The following DPF3 variants were observed in gnomAD, a reference collection of about 807,000 sequenced individuals.
The protein encoded by DPF3 is zinc finger protein DPF3.
DPF3 carries 18 observed loss-of-function variants against 56.8 expected under a neutral mutation model. The ratio of observed to expected loss-of-function variants is 0.32; its 90% CI spans 0.22 to 0.47. The LOEUF (loss-of-function observed/expected upper bound fraction) is 0.47. Ranked by LOEUF, DPF3 falls within the 20% of genes least tolerant of loss-of-function variation. The pLI is 1.00. For synonymous variants in DPF3, 188 were observed against 180.2 expected (o/e 1.04, Z -0.35); for missense variants, 403 against 488.8 (o/e 0.82, Z 1.65).
intron 8 of DPF3, among the ~76,000 whole-genome samples, chr14:72,644,962 G>T (rs1885673505): frequency 6.6e-6 from 1 of 152,218 alleles, no homozygotes; most frequent in Non-Finnish European, 1.5e-5. Context: ...CTTCCAATCT[G>T]CATGGATAAG....
intron 7 of DPF3, among the ~76,000 whole-genome samples, chr14:72,682,212 C>A (rs1272412200): frequency 4.9e-4 from 66 of 133,838 alleles, no homozygotes; most frequent in Admixed American, 1.2e-3. Flanking sequence ...AAGACTCTGT[C>A]TCAAGAAAAA....
intron 1 of DPF3, among the ~76,000 whole-genome samples, chr14:72,825,543 A>C (rs1427890064): frequency 6.6e-6 from 1 of 152,228 alleles, no homozygotes; most frequent in African/African-American, 2.4e-5. Flanking sequence ...AGAACATAGA[A>C]AATTTCACAG....
At chr14:72,893,004 GAAGGAAGGAAGGAAGGAAGGATGA>G (rs1886827326) in intron 1 of DPF3, among the ~76,000 whole-genome samples, 2 of 126,286 alleles carry the variant, frequency 1.6e-5, no homozygotes, top group Non-Finnish European at 3.4e-5. Flanking sequence ...AGGAAGGAAG[GAAGGAAGGAAGGAAGGAAGGATGA>G]AAAGGAGGAG....
chr14:72,833,979 C>T (rs112995790), intron 1 of DPF3, among the ~76,000 whole-genome samples: 14,913 of 150,732 alleles, frequency 0.099, 871 homozygotes, highest in South Asian at 0.18. Flanking sequence ...GCCAGGAGTT[C>T]GAAACCAGCC....
chr14:72,685,592 C>T (rs1887373739), intron 7 of DPF3, among the ~76,000 whole-genome samples: 1 of 152,226 alleles, frequency 6.6e-6, no homozygotes, highest in Non-Finnish European at 1.5e-5. Context: ...CATGAATTCA[C>T]ATTCATCCTC....
chr14:72,818,604 G>A (rs941990182), intron 1 of DPF3, among the ~76,000 whole-genome samples: 4 of 152,192 alleles, frequency 2.6e-5, no homozygotes, highest in African/African-American at 9.7e-5. Context: ...TTGAGCCCAC[G>A]AGTTCGAGGT....
chr14:72,718,721 G>A (rs947847410), intron 5 of DPF3, among the ~76,000 whole-genome samples: 1 of 149,596 alleles, frequency 6.7e-6, no homozygotes, highest in African/African-American at 2.5e-5. Context: ...CTCAGTGTAA[G>A]GAATTCCTGA....
At chr14:72,694,193 A>G (rs1442398513) in intron 6 of DPF3, among the ~76,000 whole-genome samples, 1 of 152,190 alleles carries the variant, frequency 6.6e-6, no homozygotes, top group Non-Finnish European at 1.5e-5. Context: ...AGGGATCATT[A>G]TCTCGGCCCC....
intron 2 of DPF3, 105 bp downstream of exon 2, chr14:72,771,627 AC>A: frequency 1.4e-6 from 2 of 1,424,432 alleles, no homozygotes; most frequent in Non-Finnish European, 1.9e-6. Flanking sequence ...AGCTTGCCCC[AC>A]CCCGATCCTA....
intron 8 of DPF3, among the ~76,000 whole-genome samples, chr14:72,657,331 G>T (rs1007556365): frequency 3.3e-5 from 5 of 152,162 alleles, no homozygotes; most frequent in South Asian, 2.1e-4. Context: ...TGCTAGAGAT[G>T]AATAATATTA....
chr14:72,812,461 G>A (rs1883092915), intron 1 of DPF3, among the ~76,000 whole-genome samples: 1 of 152,180 alleles, frequency 6.6e-6, no homozygotes, highest in Non-Finnish European at 1.5e-5. Flanking sequence ...GGAGCTGGGA[G>A]GGGCTTGGAG....
At chr14:72,744,294 C>T (rs1044484547) in intron 3 of DPF3, among the ~76,000 whole-genome samples, 52 of 151,434 alleles carry the variant, frequency 3.4e-4, no homozygotes, top group African/African-American at 1.2e-3. Flanking sequence ...TTTTTTTGAG[C>T]CAGGGCCTCC....
At chr14:72,844,272 C>T (rs7157221) in intron 1 of DPF3, among the ~76,000 whole-genome samples, 8,619 of 152,174 alleles carry the variant, frequency 0.057, 718 homozygotes, top group African/African-American at 0.19. Context: ...AAATGCAGTG[C>T]CTGTTTTCTC....
intron 6 of DPF3, among the ~76,000 whole-genome samples, chr14:72,697,717 G>A (rs557685787): frequency 5.9e-5 from 9 of 152,168 alleles, no homozygotes; most frequent in East Asian, 1.9e-4. Flanking sequence ...TGAAGGTAGC[G>A]AGGGGCTATT....
At chr14:72,842,238 C>T (rs1415347628) in intron 1 of DPF3, among the ~76,000 whole-genome samples, 1 of 152,134 alleles carries the variant, frequency 6.6e-6, no homozygotes, top group Non-Finnish European at 1.5e-5. Context: ...AACTCCCCTG[C>T]AAGGTGTATA....
intron 6 of DPF3, among the ~76,000 whole-genome samples, chr14:72,706,379 TG>T (rs1438944669): frequency 6.6e-6 from 1 of 152,224 alleles, no homozygotes; most frequent in Non-Finnish European, 1.5e-5. Context: ...GCCCCGGCAG[TG>T]TGCTATCTCC....
intron 1 of DPF3, among the ~76,000 whole-genome samples, chr14:72,865,960 T>C (rs565048815): frequency 6.6e-6 from 1 of 151,968 alleles, no homozygotes; most frequent in South Asian, 2.1e-4. Flanking sequence ...GGCAGGAGAA[T>C]CACTTGAACC....
At chr14:72,867,706 G>A (rs1293934136) in intron 1 of DPF3, among the ~76,000 whole-genome samples, 1 of 152,142 alleles carries the variant, frequency 6.6e-6, no homozygotes, top group African/African-American at 2.4e-5. Flanking sequence ...TTCTACTGTT[G>A]TATAAGCTTG....
intron 9 of DPF3, among the ~76,000 whole-genome samples, chr14:72,628,150 A>T (rs140241988): frequency 3.3e-5 from 5 of 152,250 alleles, no homozygotes; most frequent in African/African-American, 1.2e-4. Context: ...ATAGTGTCGA[A>T]TCATAGTTAT....
Sources: allele counts gnomAD v4.1 joint callset (sites outside exome capture counted in the v4.1 genomes callset), GRCh38; gene constraint gnomAD v4.1.1; transcripts MANE v1.5; gene names NCBI Gene and HGNC (gene_info 2026-07-23, HGNC 2026-07-21).